TMCC2: variants seen among roughly 807,000 people sequenced by gnomAD.
The protein encoded by TMCC2 is transmembrane and coiled-coil domain family 2, also known as transmembrane and coiled-coil domains protein 2.
A neutral mutation model predicts 49.4 loss-of-function variants in TMCC2; 16 were observed. The ratio of observed to expected loss-of-function variants is 0.32; its 90% CI spans 0.22 to 0.49. The LOEUF (loss-of-function observed/expected upper bound fraction) is 0.49. Ranked by LOEUF, TMCC2 falls within the 20% of genes least tolerant of loss-of-function variation. The pLI is 0.99. For missense variants in TMCC2, 762 were observed against 989.8 expected, an observed-to-expected ratio of 0.77 and a Z score of 3.09; for synonymous variants, 397 against 434.1, an observed-to-expected ratio of 0.91 and a Z score of 1.06.
chr1:205,245,857 C>T (rs1391774351), intron 2 of TMCC2, among the ~76,000 whole-genome samples: 1 of 150,948 alleles, frequency 6.6e-6, no homozygotes, highest in African/African-American at 2.4e-5. Context: ...CTCACTGCAA[C>T]CTCCACCTCC....
chr1:205,229,569 GGC>G (rs1659708959), intron 1 of TMCC2: 4 of 882,796 alleles, frequency 4.5e-6, no homozygotes, highest in African/African-American at 2.1e-5. Context: ...TGGTGGCGGG[GGC>G]GGGGGGGGAA....
rs1660299402 is a variant in TMCC2 at position 205,242,174 on chromosome 1, A to G, written c.747+130A>G. On this transcript the variant is annotated intron_variant, in intron 2 of 4. Transcript: ENST00000358024. Reference sequence around the variant, plus strand: ...CTGACACCCCACCGTCTGCAGAGTTATCTACCTTGGTTAAAGGAGTCGGGT... The same window carrying G: ...CTGACACCCCACCGTCTGCAGAGTTGTCTACCTTGGTTAAAGGAGTCGGGT... 4 of 1,062,600 alleles carry G rather than the reference A, an allele frequency of 3.8e-6. No homozygotes were observed. The South Asian group carries it at 7.0e-5, about 19-fold the overall frequency. The allele number at this position is 1,062,600 out of a possible 1,614,324, so 65.8% of individuals were successfully genotyped here.
At chr1:205,229,699 G>A (rs1659716070) in intron 1 of TMCC2, 11 of 985,542 alleles carry the variant, frequency 1.1e-5, no homozygotes, top group Non-Finnish European at 1.3e-5. Context: ...CAGTGCTTGG[G>A]CTGGTTTGGG....
Position 205,228,352 on chromosome 1 carries a change from A to G in TMCC2, c.-213A>G. 1 of 493,694 alleles carries G rather than the reference A, an allele frequency of 2.0e-6. No homozygotes were observed. Among genetic ancestry groups the G allele is most frequent in the Non-Finnish European group, 3.6e-6 (1 of 274,862 alleles). The allele number at this position is 493,694 out of a possible 1,614,324, so 30.6% of individuals were successfully genotyped here. A position where few individuals can be genotyped will look rare whatever the true frequency, so the allele number is the denominator to read the frequency against. Reference sequence around the variant, plus strand: ...GTCTTCGCTCCCCAGGTCGAAATGAACTATTCCAAGCTATAACCAAGGCTC... The same window carrying G: ...GTCTTCGCTCCCCAGGTCGAAATGAGCTATTCCAAGCTATAACCAAGGCTC... On this transcript the variant is annotated 5_prime_UTR_variant, in exon 1 of 5. Coordinates refer to ENST00000358024, the MANE Select transcript of TMCC2 (RefSeq NM_014858.4).
chr1:205,230,169 G>A lies in TMCC2; in HGVS notation c.207+1398G>A, dbSNP rs150997016. On this transcript the variant is annotated intron_variant, in intron 1 of 4. Coordinates refer to ENST00000358024, the MANE Select transcript of TMCC2 (RefSeq NM_014858.4). ...CTCAGAGTCAGGAAGTCAGAGCGCA[G>A]GTGAGTGTGTGTGCTCTTACCTGTG... is the stretch of plus-strand genomic sequence containing the variant. The A allele has an allele frequency of 2.3e-4, 224 of 985,450 alleles. 1 individual carries two copies. The highest frequency in any genetic ancestry group is 2.6e-4 in the Non-Finnish European group (215 of 830,024). 61.0% of individuals were successfully genotyped at this position (985,450 alleles called of 1,614,324 possible). A position where few individuals can be genotyped will look rare whatever the true frequency, so the allele number is the denominator to read the frequency against.
At position 205,228,526 on chromosome 1, in the gene TMCC2, G is replaced by A. The variant is rs1174018877; in HGVS notation, c.-39G>A. ...GGTGCGGTCTTCCCCAAGACGGCGC[G>A]CTGGAAGGACAGATTCCCCTTGCCG... On this transcript the variant is annotated 5_prime_UTR_variant, in exon 1 of 5. Coordinates refer to ENST00000358024, the MANE Select transcript of TMCC2 (RefSeq NM_014858.4). The A allele has an allele frequency of 1.3e-6, 2 of 1,559,406 alleles. No individual in the cohort carries two copies. The highest frequency in any genetic ancestry group is 8.7e-7 in the Non-Finnish European group (1 of 1,145,788).
intron 1 of TMCC2, among the ~76,000 whole-genome samples, chr1:205,233,615 A>G (rs184232748): frequency 5.6e-4 from 86 of 152,310 alleles, no homozygotes; most frequent in African/African-American, 1.9e-3. Flanking sequence ...CAGTCAGCAG[A>G]TACCACCTTC....
In TMCC2 at chr1:205,228,695, C is replaced by CT; in HGVS notation, c.132dup (p.Gly45TrpfsTer23). On this transcript the variant is annotated frameshift_variant, in exon 1 of 5. Coordinates refer to ENST00000358024, the MANE Select transcript of TMCC2 (RefSeq NM_014858.4). LOFTEE classifies it high-confidence loss of function. ...GGGGAGACCACGGGTGCTAACTCTG[C>CT]TGGCGGGCCAACTTCAGACGCCGGC... The CT allele has an allele frequency of 6.2e-7, 1 of 1,612,488 alleles. No individual in the cohort carries two copies. The highest frequency in any genetic ancestry group is 8.5e-7 in the Non-Finnish European group (1 of 1,179,746).
Position 205,228,787 on chromosome 1 carries a change from C to T in TMCC2, c.207+16C>T, listed in dbSNP as rs1233741482. 7 of 1,575,102 alleles carry T rather than the reference C, an allele frequency of 4.4e-6. No homozygotes were observed. The East Asian group carries it at 1.2e-4, about 26-fold the overall frequency. On this transcript the variant is annotated intron_variant, in intron 1 of 4. Transcript: ENST00000358024. ...TGATTTAAAGGTGAGCGCAGACCAT[C>T]CCCCCGGCAAGCCCAGCCCGCGACT...
intron 2 of TMCC2, chr1:205,246,807 C>T (rs1416115297): frequency 9.1e-7 from 1 of 1,100,610 alleles, no homozygotes; most frequent in Non-Finnish European, 1.3e-6. Context: ...TCTTTGGTTG[C>T]CTAGGGCTCC....
intron 1 of TMCC2, chr1:205,229,565 C>CGGGGGGGGGGGGGGGGGGGGGGGGGG (rs1659708292): frequency 2.1e-6 from 1 of 480,342 alleles, no homozygotes; most frequent in Non-Finnish European, 2.3e-6. Context: ...GGGGTGGTGG[C>CGGGGGGGGGGGGGGGGGGGGGGGGGG]GGGGGCGGGG....
chr1:205,232,198 G>C (rs891752141), intron 1 of TMCC2, among the ~76,000 whole-genome samples: 4 of 152,156 alleles, frequency 2.6e-5, no homozygotes, highest in African/African-American at 4.8e-5. Flanking sequence ...AAAAGTAGTA[G>C]TTAAGCAGCA....
Position 205,241,468 on chromosome 1 carries a change from T to C in TMCC2, c.208-37T>C, listed in dbSNP as rs896916280. On this transcript the variant is annotated intron_variant, in intron 1 of 4. Coordinates refer to ENST00000358024, the MANE Select transcript of TMCC2 (RefSeq NM_014858.4). The surrounding 1 kb of genome is among the most constrained non-coding windows in gnomAD (Gnocchi z 7.3). ...CCTACTGACTAGGCAATCAAGAGCT[T>C]TCCACTCACCAGGGTTCTTCATCTC... 2 of 1,601,928 alleles carry C rather than the reference T, an allele frequency of 1.2e-6. No homozygotes were observed. Among genetic ancestry groups the C allele is most frequent in the Non-Finnish European group, 8.5e-7 (1 of 1,173,680 alleles).
intron 1 of TMCC2, chr1:205,233,858 C>T (rs995335616): frequency 1.6e-4 from 24 of 151,266 alleles, no homozygotes; most frequent in African/African-American, 5.3e-4. Flanking sequence ...CTCAGTTTCT[C>T]CTTTTTTTTT....
Position 205,269,472 on chromosome 1 carries a change from A to G in TMCC2, c.1270A>G (p.Lys424Glu). The change falls in exon 3 of 5, where the codon AAG becomes GAG. Residue 424 changes from lysine (K) to glutamate (E), a missense_variant. Coordinates refer to ENST00000358024, the MANE Select transcript of TMCC2 (RefSeq NM_014858.4). ...SQATHTAVVS[K>E]PREFASLIRN... ...GGCCACCCACACCGCCGTGGTGTCC[A>G]AGCCCCGGGAGTTTGCCAGCCTCAT... is the stretch of plus-strand genomic sequence containing the variant. 1.2e-6 allele frequency: 2 copies of G among 1,607,846 alleles called. No individual in the cohort carries two copies. The highest frequency in any genetic ancestry group is 1.1e-5 in the South Asian group (1 of 90,898).
chr1:205,237,879 C>A (rs1350699807), intron 1 of TMCC2, among the ~76,000 whole-genome samples: 1 of 152,200 alleles, frequency 6.6e-6, no homozygotes. Flanking sequence ...CCCCTCACTT[C>A]CTTCCCCGGG....
At chr1:205,252,834 A>G (rs1474532747) in intron 2 of TMCC2, among the ~76,000 whole-genome samples, 1 of 151,860 alleles carries the variant, frequency 6.6e-6, no homozygotes. Context: ...AGAGAAAGAA[A>G]AGTAGGCCAG....
chr1:205,229,946 A>G, intron 1 of TMCC2: 1 of 985,488 alleles, frequency 1.0e-6, no homozygotes, highest in Non-Finnish European at 1.2e-6. Flanking sequence ...CAGCTGAGCG[A>G]GATGTCAGCC....
At chr1:205,256,352 G>C (rs61733639) in intron 2 of TMCC2, 31,892 of 1,550,876 alleles carry the variant, frequency 0.021, 438 homozygotes, top group Middle Eastern at 0.028. Flanking sequence ...GTCCCCCTCT[G>C]CTGGCCACTC....
Sources: allele counts gnomAD v4.1 joint callset (sites outside exome capture counted in the v4.1 genomes callset), GRCh38; gene constraint gnomAD v4.1.1; non-coding constraint Gnocchi (gnomAD v3.1); transcripts MANE v1.5; gene names NCBI Gene and HGNC (gene_info 2026-07-23, HGNC 2026-07-21).